Variants in NARS2 observed in about 807,000 individuals in gnomAD.
NARS2 encodes the protein asparaginyl-tRNA synthetase 2, mitochondrial.
Under a neutral mutation model 62.9 loss-of-function variants are expected in NARS2, and 60 were observed. The ratio of observed to expected loss-of-function variants is 0.95; its 90% CI spans 0.77 to 1.18. The LOEUF (loss-of-function observed/expected upper bound fraction) is 1.18, where lower values mean the gene tolerates loss of function less well. Among genes scored for constraint, NARS2 ranks in the 50% most tolerant of loss-of-function variants. The probability of loss-of-function intolerance (pLI) is 0.00; values close to 1 mark genes in which losing one functional copy is unlikely to be tolerated. For synonymous variants in NARS2, 196 were observed against 200.0 expected, an observed-to-expected ratio of 0.98 and a Z score of 0.17; for missense variants, 619 against 576.4, an observed-to-expected ratio of 1.07 and a Z score of -0.76.
In NARS2 at chr11:78,574,478, AC is replaced by A. The variant is rs1555047651; in HGVS notation, c.10del (p.Val4SerfsTer25). 2 of 1,611,804 alleles carry A rather than the reference AC, an allele frequency of 1.2e-6. No individual in the cohort carries two copies. The highest frequency in any genetic ancestry group is 8.5e-7 in the Non-Finnish European group (1 of 1,179,202). The part of the protein sequence containing the change: MLG[V>X]RCLLRSVRFC... ...GCGCACGGACCGCAGCAGGCAGCGGACCCCCAGCATCCCGCGTCCGCCCAGG... is the reference window on the plus strand; with the variant it reads ...GCGCACGGACCGCAGCAGGCAGCGGACCCCAGCATCCCGCGTCCGCCCAGG... On this transcript the variant is annotated frameshift_variant, in exon 1 of 14. Coordinates refer to ENST00000281038, the MANE Select transcript of NARS2 (RefSeq NM_024678.6). LOFTEE classifies it high-confidence loss of function.
At chr11:78,508,742 C>T (rs1860602081) in intron 6 of NARS2, among the ~76,000 whole-genome samples, 1 of 151,908 alleles carries the variant, frequency 6.6e-6, no homozygotes, top group African/African-American at 2.4e-5. Flanking sequence ...TGCCAAGAAA[C>T]ATTATAATCA....
At chr11:78,524,935 TC>T (rs1861244244) in intron 6 of NARS2, among the ~76,000 whole-genome samples, 1 of 152,086 alleles carries the variant, frequency 6.6e-6, no homozygotes, top group Non-Finnish European at 1.5e-5. Flanking sequence ...TTGTGTTACC[TC>T]CAGGCAACAG....
At chr11:78,543,688 A>C (rs1855722975) in intron 5 of NARS2, among the ~76,000 whole-genome samples, 2 of 152,160 alleles carry the variant, frequency 1.3e-5, no homozygotes, top group Non-Finnish European at 2.9e-5. Context: ...AAAAACAAAA[A>C]ACATGTACCC....
chr11:78,453,353 G>A (rs2135170678), intron 11 of NARS2, among the ~76,000 whole-genome samples: 2 of 152,132 alleles, frequency 1.3e-5, no homozygotes, highest in South Asian at 4.1e-4. Context: ...AATAGTTTGT[G>A]TTGGTATTCA....
chr11:78,483,018 G>A (rs867702911), intron 7 of NARS2, among the ~76,000 whole-genome samples: 2 of 152,112 alleles, frequency 1.3e-5, no homozygotes, highest in Non-Finnish European at 2.9e-5. Flanking sequence ...AAATCCAGCA[G>A]CACATCAAAA....
intron 5 of NARS2, among the ~76,000 whole-genome samples, chr11:78,543,079 G>A (rs1039358831): frequency 5.3e-5 from 8 of 152,208 alleles, no homozygotes; most frequent in Non-Finnish European, 1.2e-4. Context: ...TAGGGAGGCT[G>A]AGGCACAAGA....
chr11:78,490,001 T>C (rs1859747038), intron 7 of NARS2, among the ~76,000 whole-genome samples: 1 of 152,052 alleles, frequency 6.6e-6, no homozygotes, highest in Non-Finnish European at 1.5e-5. Context: ...ACTGCACCAC[T>C]GCACTCCAGC....
intron 5 of NARS2, among the ~76,000 whole-genome samples, chr11:78,551,423 A>G (rs536741394): frequency 6.6e-6 from 1 of 152,378 alleles, no homozygotes; most frequent in South Asian, 2.1e-4. Flanking sequence ...CAGTAAAAAT[A>G]CAGTATTATA....
chr11:78,483,015 G>C (rs1277481610), intron 7 of NARS2, among the ~76,000 whole-genome samples: 1 of 152,082 alleles, frequency 6.6e-6, no homozygotes, highest in Non-Finnish European at 1.5e-5. Context: ...ACCAAATCCA[G>C]CAGCACATCA....
At chr11:78,441,264 G>C (rs186551232) in intron 12 of NARS2, 147 bp from the exon 13 acceptor site, 55 of 634,806 alleles carry the variant, frequency 8.7e-5, no homozygotes, top group African/African-American at 7.4e-4. Flanking sequence ...CAATATAGTT[G>C]AGGAGCTGAA....
At chr11:78,516,361 G>A (rs1347498431) in intron 6 of NARS2, among the ~76,000 whole-genome samples, 1 of 152,176 alleles carries the variant, frequency 6.6e-6, no homozygotes, top group Non-Finnish European at 1.5e-5. Context: ...AAATATAACA[G>A]CCAATGGTCA....
chr11:78,534,657 T>G (rs989419012), intron 5 of NARS2, among the ~76,000 whole-genome samples: 1 of 152,222 alleles, frequency 6.6e-6, no homozygotes, highest in African/African-American at 2.4e-5. Flanking sequence ...CAGTGTTATC[T>G]CATCAAATTA....
chr11:78,574,739 G>A lies in NARS2; in HGVS notation c.-251C>T, dbSNP rs991682272. The A allele has an allele frequency of 8.5e-6, 4 of 471,658 alleles. No homozygotes were observed. Among genetic ancestry groups the A allele is most frequent in the Admixed American group, 7.7e-5 (2 of 25,944 alleles). The allele number at this position is 471,658 out of a possible 1,614,324, so 29.2% of individuals were successfully genotyped here. A position where few individuals can be genotyped will look rare whatever the true frequency, so the allele number is the denominator to read the frequency against. Reference sequence around the variant, plus strand: ...TAGGCAAACGCCAGAAAGAAACCACGTGCAGTTGGCAGCTGGGGCGCCCCA... The same window carrying A: ...TAGGCAAACGCCAGAAAGAAACCACATGCAGTTGGCAGCTGGGGCGCCCCA... On this transcript the variant is annotated 5_prime_UTR_variant, in exon 1 of 14. It adds an upstream start codon to the 5' untranslated region. Transcript: ENST00000281038.
chr11:78,536,118 G>A (rs889634175), intron 5 of NARS2, among the ~76,000 whole-genome samples: 4 of 152,144 alleles, frequency 2.6e-5, no homozygotes, highest in Admixed American at 2.6e-4. Flanking sequence ...TAATAGAGCT[G>A]AAAAATTCCT....
chr11:78,479,463 C>G (rs1315070290), intron 7 of NARS2, among the ~76,000 whole-genome samples: 1 of 152,078 alleles, frequency 6.6e-6, no homozygotes, highest in Non-Finnish European at 1.5e-5. Flanking sequence ...GAGCCATGAT[C>G]ACGCCACTGC....
rs1590885471 is a variant in NARS2 at position 78,574,478 on chromosome 11, A to G, written c.11T>C (p.Val4Ala). ...GCGCACGGACCGCAGCAGGCAGCGG[A>G]CCCCCAGCATCCCGCGTCCGCCCAG... MLG[V>A]RCLLRSVRFC... The change falls in exon 1 of 14, where the codon GTC (valine) becomes GCC (alanine). Residue 4 changes from valine (V) to alanine (A), a missense_variant. By Grantham distance (64) the Val-to-Ala change is moderately conservative. Coordinates refer to ENST00000281038, the MANE Select transcript of NARS2 (RefSeq NM_024678.6). The G allele has an allele frequency of 6.2e-7, 1 of 1,611,690 alleles. No individual in the cohort carries two copies. The highest frequency in any genetic ancestry group is 1.1e-5 in the South Asian group (1 of 91,010).
At chr11:78,515,445 T>C (rs1045211243) in intron 6 of NARS2, among the ~76,000 whole-genome samples, 3 of 152,172 alleles carry the variant, frequency 2.0e-5, no homozygotes, top group Non-Finnish European at 4.4e-5. Flanking sequence ...TTTGGAGTGA[T>C]AAAAATGTTA....
chr11:78,543,108 G>A (rs1357986336), intron 5 of NARS2, among the ~76,000 whole-genome samples: 2 of 152,104 alleles, frequency 1.3e-5, no homozygotes, highest in Admixed American at 1.3e-4. Context: ...AACCCAGGAG[G>A]CAGAGGTTGC....
At chr11:78,533,484 T>C (rs1266592503) in intron 5 of NARS2, among the ~76,000 whole-genome samples, 8 of 152,230 alleles carry the variant, frequency 5.3e-5, no homozygotes, top group African/African-American at 1.7e-4. Context: ...AGTGAATGTC[T>C]ACAGCTTAGG....
Sources: allele counts gnomAD v4.1 joint callset (sites outside exome capture counted in the v4.1 genomes callset), GRCh38; gene constraint gnomAD v4.1.1; transcripts MANE v1.5; gene names NCBI Gene and HGNC (gene_info 2026-07-23, HGNC 2026-07-21).